The following FCAR variants were observed in gnomAD, a reference collection of about 807,000 sequenced individuals.
FCAR encodes the protein immunoglobulin alpha Fc receptor.
In FCAR, 21 loss-of-function variants were observed where a neutral mutation model predicts 27.1. The ratio of observed to expected loss-of-function variants is 0.77; its 90% CI spans 0.55 to 1.11. The LOEUF (loss-of-function observed/expected upper bound fraction) is 1.11. Ranked by LOEUF, FCAR falls within the 50% of genes most tolerant of loss-of-function variation. The probability of loss-of-function intolerance (pLI) is 0.00; values close to 1 mark genes in which losing one functional copy is unlikely to be tolerated. For missense variants in FCAR, 404 were observed against 358.4 expected (o/e 1.13, Z -1.03); for synonymous variants, 134 against 135.8 (o/e 0.99, Z 0.09).
chr19:54,886,464 C>T (rs1264269818), intron 3 of FCAR, among the ~76,000 whole-genome samples: 15 of 151,652 alleles, frequency 9.9e-5, no homozygotes, highest in African/African-American at 3.4e-4. Flanking sequence ...CCCGCCACCA[C>T]GCCTGGCTAA....
chr19:54,888,157 G>C lies in FCAR; in HGVS notation c.512G>C (p.Ser171Thr). The change falls in exon 4 of 5, where the codon AGT becomes ACT. Residue 171 changes from serine to threonine, a missense_variant. By Grantham distance (58) the Ser-to-Thr change is moderately conservative (BLOSUM62 1). Transcript: ENST00000355524. ...GAACTTTCTCTGCCACAGCACCAAA[G>C]TGGGGAACACCCGGCCAACTTCTCT... is the stretch of plus-strand genomic sequence containing the variant. ...EGELSLPQHQ[S>T]GEHPANFSLG... 3 of 1,614,200 alleles carry C rather than the reference G, an allele frequency of 1.9e-6. No individual in the cohort carries two copies. The highest frequency in any genetic ancestry group is 2.5e-6 in the Non-Finnish European group (3 of 1,180,032).
At chr19:54,881,381 G>A (rs988910861) in intron 2 of FCAR, among the ~76,000 whole-genome samples, 2 of 152,120 alleles carry the variant, frequency 1.3e-5, no homozygotes, top group Non-Finnish European at 2.9e-5. Flanking sequence ...CAGTGGCAGC[G>A]GCAGAGTGAC....
chr19:54,888,123 A>G lies in FCAR; in HGVS notation c.478A>G (p.Lys160Glu). 1 of 1,614,064 alleles carries G rather than the reference A, an allele frequency of 6.2e-7. No homozygotes were observed. The highest frequency in any genetic ancestry group is 8.5e-7 in the Non-Finnish European group (1 of 1,179,970). Reference protein sequence around the residue: ...HIPFDRFSLAKEGELSLPQHQ... With the variant: ...HIPFDRFSLAEEGELSLPQHQ... Reference sequence around the variant, plus strand: ...CCCATTTGATAGATTTTCACTGGCCAAGGAGGGAGAACTTTCTCTGCCACA... The same window carrying G: ...CCCATTTGATAGATTTTCACTGGCCGAGGAGGGAGAACTTTCTCTGCCACA... Residue 160 changes from lysine (K) to glutamate (E), a missense_variant, in exon 4 of 5, where the codon AAG (lysine) becomes GAG (glutamate). Lys to Glu is a moderately conservative substitution (Grantham distance 56). Coordinates refer to ENST00000355524, the MANE Select transcript of FCAR (RefSeq NM_002000.4).
intron 2 of FCAR, among the ~76,000 whole-genome samples, chr19:54,879,826 G>A (rs1300279795): frequency 2.0e-5 from 3 of 152,066 alleles, no homozygotes. Flanking sequence ...TGGGACTACA[G>A]GTGCCCACCA....
chr19:54,885,192 C>T, intron 2 of FCAR, 43 bp from the exon 3 acceptor site: 2 of 1,528,114 alleles, frequency 1.3e-6, no homozygotes, highest in Non-Finnish European at 1.8e-6. Context: ...GGAATGGCTT[C>T]CCCATGGCAA....
chr19:54,889,652 C>G lies in FCAR; in HGVS notation c.653C>G (p.Ser218Cys), dbSNP rs1427549821. ...SNALELVVTD[S>C]IHQDYTTQNL... ...TCTCCTTGAATTGTGTCTCCAGACT[C>G]CATCCACCAAGATTACACGACGCAG... is the stretch of plus-strand genomic sequence containing the variant. Residue 218 changes from serine to cysteine, a missense_variant, in exon 5 of 5, where the codon TCC (serine) becomes TGC (cysteine). By Grantham distance (112) the Ser-to-Cys change is moderately radical. Transcript: ENST00000355524. 19 of 1,612,914 alleles carry G rather than the reference C, an allele frequency of 1.2e-5. No individual in the cohort carries two copies. Among genetic ancestry groups the G allele is most frequent in the Non-Finnish European group, 1.5e-5 (18 of 1,179,094 alleles).
intron 2 of FCAR, 137 bp from the exon 3 acceptor site, chr19:54,885,098 A>C (rs2066628601): frequency 2.7e-6 from 2 of 730,690 alleles, no homozygotes; most frequent in Non-Finnish European, 4.4e-6. Context: ...GAGCTACCGC[A>C]CCCGGCCTAA....
chr19:54,886,073 C>T, intron 3 of FCAR, among the ~76,000 whole-genome samples: 1 of 152,086 alleles, frequency 6.6e-6, no homozygotes, highest in Non-Finnish European at 1.5e-5. Flanking sequence ...ACAGTGAAAC[C>T]TCGTCTCTAC....
At position 54,885,233 on chromosome 19, in the gene FCAR, A is replaced by G. The variant is rs2066637460; in HGVS notation, c.71-2A>G. On this transcript the variant is annotated splice_acceptor_variant, in intron 2 of 4. Coordinates refer to ENST00000355524, the MANE Select transcript of FCAR (RefSeq NM_002000.4). LOFTEE classifies it high-confidence loss of function. ...CTCAGTCTGGGCTTTCTTTTCTTCC[A>G]GGGGACTTTCCCATGCCTTTCATAT... 1 of 1,610,280 alleles carries G rather than the reference A, an allele frequency of 6.2e-7. No homozygotes were observed. Among genetic ancestry groups the G allele is most frequent in the Non-Finnish European group, 8.5e-7 (1 of 1,177,234 alleles).
intron 4 of FCAR, among the ~76,000 whole-genome samples, chr19:54,889,244 G>A (rs1267941666): frequency 6.7e-6 from 1 of 150,214 alleles, no homozygotes; most frequent in Non-Finnish European, 1.5e-5. Context: ...GTGGTGGTGG[G>A]CGCCTGTAAT....
intron 2 of FCAR, among the ~76,000 whole-genome samples, chr19:54,878,565 T>G (rs1195604599): frequency 1.3e-5 from 2 of 152,002 alleles, no homozygotes; most frequent in African/African-American, 4.8e-5. Flanking sequence ...TTTTTCTTTT[T>G]CTTTTTGATT....
In FCAR at chr19:54,876,764, C is replaced by CA. The variant is rs775462919; in HGVS notation, c.70+1406dup. ...GAAACCTCGTCTATACTAAAAAACA[C>CA]AAAAAAATTAGCCAGGCGTGGTGGT... On this transcript the variant is annotated intron_variant, in intron 2 of 4. Coordinates refer to ENST00000355524, the MANE Select transcript of FCAR (RefSeq NM_002000.4). 5.9e-5 allele frequency among the ~76,000 whole-genome samples: 9 copies of CA among 152,090 alleles called. No individual in the cohort carries two copies. The East Asian group carries it at 9.7e-4, about 16-fold the overall frequency.
intron 2 of FCAR, among the ~76,000 whole-genome samples, chr19:54,883,694 C>T (rs1156850681): frequency 6.6e-6 from 1 of 152,124 alleles, no homozygotes; most frequent in Non-Finnish European, 1.5e-5. Context: ...GTGGCTCACA[C>T]GTGTAATCCC....
chr19:54,887,792 CT>C (rs922566831), intron 3 of FCAR, among the ~76,000 whole-genome samples: 2 of 151,926 alleles, frequency 1.3e-5, no homozygotes, highest in Admixed American at 1.3e-4. Flanking sequence ...TGGTACGCAC[CT>C]GTAATCCCAG....
chr19:54,874,278 C>T lies in FCAR; in HGVS notation c.-12C>T, dbSNP rs139097294. 9.9e-4 allele frequency: 1,596 copies of T among 1,613,938 alleles called. 22 individuals carry two copies. In the East Asian group the frequency reaches 0.03, roughly 30 times the overall value. ...GAAAGGAGAGCAACGGGGCTGAGGC[C>T]GTGTCAGCACGATGGACCCCAAACA... On this transcript the variant is annotated 5_prime_UTR_variant, in exon 1 of 5. Transcript: ENST00000355524.
At chr19:54,874,470 T>C (rs2065983224) in intron 1 of FCAR, 147 bp downstream of exon 1, 1 of 751,532 alleles carries the variant, frequency 1.3e-6, no homozygotes, top group Non-Finnish European at 2.2e-6. Flanking sequence ...TTTGTCAATG[T>C]ATCTATAACT....
rs2065967559 is a variant in FCAR at position 54,874,248 on chromosome 19, G to A, written c.-42G>A. Reference sequence around the variant, plus strand: ...AGAATATCTGTCATCCTGCTAATGTGCATTGAAAGGAGAGCAACGGGGCTG... The same window carrying A: ...AGAATATCTGTCATCCTGCTAATGTACATTGAAAGGAGAGCAACGGGGCTG... On this transcript the variant is annotated 5_prime_UTR_variant, in exon 1 of 5. Transcript: ENST00000355524. The A allele has an allele frequency of 6.2e-7, 1 of 1,609,800 alleles. No individual in the cohort carries two copies. Among genetic ancestry groups the A allele is most frequent in the East Asian group, 2.2e-5 (1 of 44,798 alleles).
intron 4 of FCAR, chr19:54,888,928 C>A (rs968540086): frequency 2.0e-6 from 2 of 984,460 alleles, no homozygotes; most frequent in African/African-American, 1.8e-5. Context: ...CCTGGCCGGG[C>A]GTGGTGGCGT....
intron 2 of FCAR, among the ~76,000 whole-genome samples, chr19:54,882,236 G>A (rs2066462947): frequency 2.0e-5 from 3 of 152,240 alleles, no homozygotes; most frequent in Admixed American, 1.3e-4. Context: ...AGAATTCTGG[G>A]AACTCAAAAA....
Sources: gnomAD v4.1 joint callset for allele counts (sites outside exome capture counted in the v4.1 genomes callset) on GRCh38, gnomAD v4.1.1 for gene constraint, MANE v1.5 for transcripts, NCBI Gene and HGNC (gene_info 2026-07-23, HGNC 2026-07-21) for gene names.